Variants in XXYLT1 observed in about 807,000 individuals in gnomAD.
XXYLT1 encodes xyloside xylosyltransferase 1.
A neutral mutation model predicts 28.9 loss-of-function variants in XXYLT1; 20 were observed. The observed-to-expected ratio is 0.69, with a 90% CI of 0.49 to 1.00. The LOEUF (loss-of-function observed/expected upper bound fraction) is 1.00, where lower values mean the gene tolerates loss of function less well. XXYLT1 is among the 50% of genes least tolerant of loss of function. The probability of loss-of-function intolerance (pLI) is 0.00; values close to 1 mark genes in which losing one functional copy is unlikely to be tolerated. For synonymous variants in XXYLT1, 257 were observed against 253.8 expected (o/e 1.01, Z -0.12); for missense variants, 542 against 560.1 (o/e 0.97, Z 0.33).
chr3:195,227,353 A>C (rs921992732), intron 1 of XXYLT1, among the ~76,000 whole-genome samples: 1 of 152,136 alleles, frequency 6.6e-6, no homozygotes, highest in African/African-American at 2.4e-5. Flanking sequence ...CCCTCATCCA[A>C]CAGTGTGAAC....
intron 1 of XXYLT1, among the ~76,000 whole-genome samples, chr3:195,231,644 T>A (rs1724303910): frequency 2.0e-5 from 3 of 152,222 alleles, no homozygotes; most frequent in Non-Finnish European, 4.4e-5. Flanking sequence ...AATGATCATA[T>A]GGTTTTTGCC....
At chr3:195,071,792 C>T (rs1170119129) in intron 3 of XXYLT1, among the ~76,000 whole-genome samples, 1 of 152,138 alleles carries the variant, frequency 6.6e-6, no homozygotes, top group African/African-American at 2.4e-5. Context: ...CAGACCAGGG[C>T]ACCATGACAT....
At chr3:195,218,006 G>C (rs1157575480) in intron 2 of XXYLT1, among the ~76,000 whole-genome samples, 1 of 149,690 alleles carries the variant, frequency 6.7e-6, no homozygotes, top group Non-Finnish European at 1.5e-5. Flanking sequence ...CAGAAATAAC[G>C]CCGCATGTCT....
intron 3 of XXYLT1, among the ~76,000 whole-genome samples, chr3:195,110,529 A>T (rs1188285276): frequency 9.5e-5 from 2 of 21,162 alleles, no homozygotes; most frequent in South Asian, 1.3e-3. Flanking sequence ...TGCGTGGTGT[A>T]CGTGTGCGTG....
intron 3 of XXYLT1, among the ~76,000 whole-genome samples, chr3:195,153,225 G>A (rs372475153): frequency 2.0e-4 from 31 of 152,198 alleles, no homozygotes; most frequent in African/African-American, 6.5e-4. Flanking sequence ...AATTAATGCC[G>A]GATCTCCCAG....
At position 195,095,007 on chromosome 3, in the gene XXYLT1, A is replaced by T. The variant is rs544650468; in HGVS notation, c.786-24896T>A. Among the ~76,000 whole-genome samples, 3 of 152,188 alleles carry T rather than the reference A, an allele frequency of 2.0e-5. No individual in the cohort carries two copies. The South Asian group carries it at 6.2e-4, about 32-fold the overall frequency. ...TGTGCGGGGGAAATGTGTGTCCGGG[A>T]TCTGGTTAAAATGCAGACTGGGATT... is the stretch of plus-strand genomic sequence containing the variant. On this transcript the variant is annotated intron_variant, in intron 3 of 3. Coordinates refer to ENST00000310380, the MANE Select transcript of XXYLT1 (RefSeq NM_152531.5).
Position 195,108,617 on chromosome 3 carries a change from C to G in XXYLT1, c.786-38506G>C, listed in dbSNP as rs113738687. ...CAAACCTAGATGGTATTGCCCACCACACACCTGGGCTGTATGGTACAGTCT... is the reference window on the plus strand; with the variant it reads ...CAAACCTAGATGGTATTGCCCACCAGACACCTGGGCTGTATGGTACAGTCT... On this transcript the variant is annotated intron_variant, in intron 3 of 3. Transcript: ENST00000310380. 3.0e-3 allele frequency among the ~76,000 whole-genome samples: 453 copies of G among 152,326 alleles called. 3 individuals are homozygous for G. The highest frequency in any genetic ancestry group is 0.01 in the African/African-American group (432 of 41,574).
Position 195,143,823 on chromosome 3 carries a change from T to C in XXYLT1, c.785+12626A>G, listed in dbSNP as rs1420094185. ...ATAGATAGATATATATAGATATAGATATATATAGATATAGATATAGATATA... is the reference window on the plus strand; with the variant it reads ...ATAGATAGATATATATAGATATAGACATATATAGATATAGATATAGATATA... On this transcript the variant is annotated intron_variant, in intron 3 of 3. Coordinates refer to ENST00000310380, the MANE Select transcript of XXYLT1 (RefSeq NM_152531.5). Among the ~76,000 whole-genome samples, 7 of 93,822 alleles carry C rather than the reference T, an allele frequency of 7.5e-5. 1 individual carries two copies. Among genetic ancestry groups the C allele is most frequent in the African/African-American group, 2.8e-4 (7 of 24,806 alleles). 61.6% of individuals were successfully genotyped at this position (93,822 alleles called of 152,430 possible). A position where few individuals can be genotyped will look rare whatever the true frequency, so the allele number is the denominator to read the frequency against.
At chr3:195,225,299 G>A (rs969935559) in intron 2 of XXYLT1, among the ~76,000 whole-genome samples, 1 of 152,208 alleles carries the variant, frequency 6.6e-6, no homozygotes, top group African/African-American at 2.4e-5. Context: ...TCACAACAAA[G>A]AGGACACTCA....
At chr3:195,136,540 C>T (rs762457550) in intron 3 of XXYLT1, among the ~76,000 whole-genome samples, 35 of 152,158 alleles carry the variant, frequency 2.3e-4, no homozygotes, top group Non-Finnish European at 4.1e-4. Context: ...CCCGGGTGAA[C>T]GCAACTTACC....
At chr3:195,166,368 C>A (rs1311976725) in intron 2 of XXYLT1, among the ~76,000 whole-genome samples, 3 of 152,144 alleles carry the variant, frequency 2.0e-5, no homozygotes, top group Non-Finnish European at 2.9e-5. Context: ...GACAGAACTG[C>A]AGCTGAGTGC....
At position 195,110,842 on chromosome 3, in the gene XXYLT1, TTG is replaced by T. The variant is rs1374307537; in HGVS notation, c.786-40733_786-40732del. On this transcript the variant is annotated intron_variant, in intron 3 of 3. Transcript: ENST00000310380. The stretch of plus-strand genomic sequence containing the variant: ...GGTGTATAAGTGTGTGTGTGGTGTG[TTG>T]TGTGTGTTGTATAAGTGTGTGTGTG... Among the ~76,000 whole-genome samples the T allele has an allele frequency of 2.8e-3, 19 of 6,896 alleles. 1 individual carries two copies. The South Asian group carries it at 0.093, about 34-fold the overall frequency. The allele number at this position is 6,896 out of a possible 152,430, so 4.5% of individuals were successfully genotyped here. A position where few individuals can be genotyped will look rare whatever the true frequency, so the allele number is the denominator to read the frequency against.
chr3:195,265,227 G>T (rs867964676), intron 1 of XXYLT1, among the ~76,000 whole-genome samples: 1 of 152,006 alleles, frequency 6.6e-6, no homozygotes, highest in Non-Finnish European at 1.5e-5. Context: ...AAAATTATGT[G>T]GGCGTAGTGG....
intron 2 of XXYLT1, among the ~76,000 whole-genome samples, chr3:195,215,113 G>C (rs552546670): frequency 6.6e-6 from 1 of 150,752 alleles, no homozygotes. Context: ...TTACAGACAA[G>C]CAAATGCTGA....
At chr3:195,082,898 C>A (rs1715517186) in intron 3 of XXYLT1, among the ~76,000 whole-genome samples, 1 of 152,120 alleles carries the variant, frequency 6.6e-6, no homozygotes, top group Non-Finnish European at 1.5e-5. Flanking sequence ...CTGCCAAGAG[C>A]CAACAGTGAG....
At chr3:195,171,380 C>T (rs780013119) in intron 2 of XXYLT1, among the ~76,000 whole-genome samples, 7 of 152,208 alleles carry the variant, frequency 4.6e-5, no homozygotes, top group Non-Finnish European at 7.3e-5. Context: ...TCAGTCAGTG[C>T]TATTTTTACC....
rs1445922425 is a variant in XXYLT1 at position 195,077,782 on chromosome 3, G to A, written c.786-7671C>T. Among the ~76,000 whole-genome samples the A allele has an allele frequency of 6.6e-6, 1 of 152,156 alleles. No individual in the cohort carries two copies. The highest frequency in any genetic ancestry group is 1.5e-5 in the Non-Finnish European group (1 of 68,016). On this transcript the variant is annotated intron_variant, in intron 3 of 3. Coordinates refer to ENST00000310380, the MANE Select transcript of XXYLT1 (RefSeq NM_152531.5). The surrounding 1 kb of genome is among the most constrained non-coding windows in gnomAD (Gnocchi z 4.8). Reference sequence around the variant, plus strand: ...CTGGCAGGCCTGAGGCCTCCACATGGCACGGCACCACCAGGACCCCAAGGT... The same window carrying A: ...CTGGCAGGCCTGAGGCCTCCACATGACACGGCACCACCAGGACCCCAAGGT...
intron 3 of XXYLT1, among the ~76,000 whole-genome samples, chr3:195,109,732 G>T: frequency 1.0e-5 from 1 of 99,214 alleles, no homozygotes; most frequent in East Asian, 2.8e-4. Flanking sequence ...GCGTGTGTGT[G>T]GTGTATGTGT....
intron 2 of XXYLT1, among the ~76,000 whole-genome samples, chr3:195,188,364 T>C (rs1722285403): frequency 6.6e-6 from 1 of 152,220 alleles, no homozygotes; most frequent in South Asian, 2.1e-4. Context: ...CCCACTAATG[T>C]GCCATGTCAG....
Sources: gnomAD v4.1 joint callset for allele counts (sites outside exome capture counted in the v4.1 genomes callset) on GRCh38, gnomAD v4.1.1 for gene constraint, Gnocchi (gnomAD v3.1) non-coding constraint, MANE v1.5 for transcripts, NCBI Gene and HGNC (gene_info 2026-07-23, HGNC 2026-07-21) for gene names.